MCF2L: variants seen among roughly 807,000 people sequenced by gnomAD.
The protein encoded by MCF2L is MCF.2 cell line derived transforming sequence like.
Under a neutral mutation model 153.4 loss-of-function variants are expected in MCF2L, and 97 were observed. That is an observed-to-expected ratio of 0.63 (90% confidence interval 0.54 to 0.75). MCF2L has a LOEUF of 0.75. MCF2L is among the 30% of genes least tolerant of loss of function. MCF2L has a pLI of 0.00. For missense variants in MCF2L, 1,347 were observed against 1,495.2 expected (o/e 0.90, Z 1.64); for synonymous variants, 659 against 632.2 (o/e 1.04, Z -0.64).
intron 2 of MCF2L, among the ~76,000 whole-genome samples, chr13:112,934,102 C>G (rs919171221): frequency 1.3e-5 from 2 of 152,236 alleles, no homozygotes; most frequent in Non-Finnish European, 2.9e-5. Context: ...AACCCTATTT[C>G]CCACCAGGGG....
intron 2 of MCF2L, among the ~76,000 whole-genome samples, chr13:112,918,915 G>A (rs143744212): frequency 1.4e-4 from 22 of 152,126 alleles, no homozygotes; most frequent in Non-Finnish European, 2.2e-4. Context: ...CCCATCCTCC[G>A]TGTCCCCACC....
chr13:113,056,166 G>A (rs56692273), intron 4 of MCF2L, among the ~76,000 whole-genome samples: 51,160 of 152,224 alleles, frequency 0.34, 9,089 homozygotes, highest in South Asian at 0.42. Context: ...GAGGGCAGCC[G>A]CCCAGTGACC....
chr13:112,996,834 T>C (rs1381595009), intron 1 of MCF2L, among the ~76,000 whole-genome samples: 1 of 152,190 alleles, frequency 6.6e-6, no homozygotes, highest in African/African-American at 2.4e-5. Flanking sequence ...GGGGCTGTGT[T>C]GTGTTGTCTG....
chr13:112,979,643 G>A (rs2082332131), intron 1 of MCF2L: 1 of 1,612,580 alleles, frequency 6.2e-7, no homozygotes, highest in Non-Finnish European at 8.5e-7. Flanking sequence ...CCGCTTTGTA[G>A]CAGCCTTTGT....
rs981264809 is a variant in MCF2L at position 112,951,352 on chromosome 13, G to T, written c.169+48981G>T. Among the ~76,000 whole-genome samples the T allele has an allele frequency of 6.6e-6, 1 of 152,120 alleles. No homozygotes were observed. Among genetic ancestry groups the T allele is most frequent in the East Asian group, 1.9e-4 (1 of 5,192 alleles). The stretch of plus-strand genomic sequence containing the variant: ...TATGACCCAGCAATTGCACTCCTGG[G>T]AATTTATCCCAGAGAAATCAAAATT... On this transcript the variant is annotated intron_variant, in intron 2 of 29. Coordinates refer to the MCF2L transcript ENST00000375608. This position sits in a 1 kb window ranked among gnomAD's most constrained non-coding sequence, Gnocchi z 4.8.
At chr13:112,980,859 C>T (rs1045232100) in intron 1 of MCF2L, among the ~76,000 whole-genome samples, 12 of 152,236 alleles carry the variant, frequency 7.9e-5, no homozygotes, top group Admixed American at 7.2e-4. Context: ...ATCCCGCACA[C>T]GCCAGGGTGT....
In MCF2L at chr13:113,074,884, A is replaced by G; in HGVS notation, c.1117-114A>G. On this transcript the variant is annotated intron_variant, in intron 10 of 29. Coordinates refer to ENST00000535094, the MANE Select transcript of MCF2L (RefSeq NM_001112732.3). This position sits in a 1 kb window ranked among gnomAD's most constrained non-coding sequence, Gnocchi z 4.2. ...CAGCATCTCAGGCATCCGCAGCAGT[A>G]AACAAAGAAATCAAGACACACGTGT... is the stretch of plus-strand genomic sequence containing the variant. 3.0e-6 allele frequency: 3 copies of G among 997,794 alleles called. No individual in the cohort carries two copies. The highest frequency in any genetic ancestry group is 4.5e-6 in the Non-Finnish European group (3 of 673,964). 61.8% of individuals were successfully genotyped at this position (997,794 alleles called of 1,614,324 possible).
Position 113,075,097 on chromosome 13 carries a change from C to T in MCF2L, c.1216C>T (p.Leu406Phe). ...CTCCATCCGCCCAAAGTGCCAGGAG[C>T]TCCGGCACCTCTGTGACCAGTTCTC... is the stretch of plus-strand genomic sequence containing the variant. ...VDSIRPKCQE[L>F]RHLCDQFSAE... Residue 406 changes from leucine (L) to phenylalanine (F), a missense_variant, in exon 11 of 30, where the codon CTC becomes TTC. Transcript: ENST00000535094. 2 of 1,613,724 alleles carry T rather than the reference C, an allele frequency of 1.2e-6. No homozygotes were observed. The highest frequency in any genetic ancestry group is 1.7e-6 in the Non-Finnish European group (2 of 1,180,012).
In MCF2L at chr13:113,081,294, G is replaced by A. The variant is rs2236371; in HGVS notation, c.1875+15G>A. The A allele has an allele frequency of 0.073, 115,067 of 1,572,424 alleles. 5,043 individuals carry two copies. Among genetic ancestry groups the A allele is most frequent in the East Asian group, 0.23 (10,065 of 43,484 alleles). ...GCGTCCTGGAGGTGAGGCTGGACTC[G>A]GGGAGGGCCGACTGCCACGGGGACT... On this transcript the variant is annotated intron_variant, in intron 16 of 29. Coordinates refer to ENST00000535094, the MANE Select transcript of MCF2L (RefSeq NM_001112732.3).
intron 2 of MCF2L, among the ~76,000 whole-genome samples, chr13:112,902,660 G>A (rs184163505): frequency 3.9e-5 from 6 of 152,370 alleles, no homozygotes; most frequent in Non-Finnish European, 8.8e-5. Flanking sequence ...TCCGGTTAGA[G>A]ATCATGAGAA....
intron 1 of MCF2L, among the ~76,000 whole-genome samples, chr13:112,988,386 G>A (rs1016538117): frequency 1.4e-4 from 22 of 152,352 alleles, no homozygotes; most frequent in Admixed American, 1.3e-3. Context: ...GGGGAGCAGG[G>A]CCCGGGCACG....
chr13:112,933,049 A>AATAAATAC (rs1188750507), intron 2 of MCF2L, among the ~76,000 whole-genome samples: 2 of 152,078 alleles, frequency 1.3e-5, no homozygotes, highest in Non-Finnish European at 2.9e-5. Flanking sequence ...TAAATAAATA[A>AATAAATAC]ATAAATAAAC....
upstream of MCF2L, among the ~76,000 whole-genome samples, chr13:112,964,488 C>T (rs1025121621): frequency 2.6e-5 from 4 of 152,196 alleles, no homozygotes; most frequent in African/African-American, 7.2e-5. Flanking sequence ...TACCATAACA[C>T]GGCACATATA....
rs982861017 is a variant in MCF2L, at chr13:112,943,674, C to G, written c.169+41303C>G. Among the ~76,000 whole-genome samples the G allele has an allele frequency of 6.6e-6, 1 of 152,124 alleles. No individual in the cohort carries two copies. The highest frequency in any genetic ancestry group is 1.5e-5 in the Non-Finnish European group (1 of 67,990). On this transcript the variant is annotated intron_variant, in intron 2 of 29. Coordinates refer to the MCF2L transcript ENST00000375608. The surrounding 1 kb of genome is among the most constrained non-coding windows in gnomAD (Gnocchi z 4.2). ...CTTACCCGGGGACAGACGGGGAAGGCGGGAGCGCTCGCAGTTCCCTCCTGG... is the reference window on the plus strand; with the variant it reads ...CTTACCCGGGGACAGACGGGGAAGGGGGGAGCGCTCGCAGTTCCCTCCTGG...
Position 112,973,993 on chromosome 13 carries a change from G to A in MCF2L, c.79+4535G>A, listed in dbSNP as rs9577406. 4.9e-3 allele frequency among the ~76,000 whole-genome samples: 751 copies of A among 152,196 alleles called. 26 individuals carry two copies. The East Asian group carries it at 0.1, about 21-fold the overall frequency. On this transcript the variant is annotated intron_variant, in intron 1 of 29. Coordinates refer to ENST00000535094, the MANE Select transcript of MCF2L (RefSeq NM_001112732.3). ...CTTCCTGATCTCCGTCTTCAAAGCC[G>A]CTCCTGACTCTTCCACTGCCCCCTC... is the stretch of plus-strand genomic sequence containing the variant.
chr13:112,983,720 G>A lies in MCF2L; in HGVS notation c.79+14262G>A, dbSNP rs1844218495. ...AGTGCTCTGACGCACTGTGGCCCCG[G>A]GGAAGCGTGGTGTCTGCAGCCTCCT... On this transcript the variant is annotated intron_variant, in intron 1 of 29. Coordinates refer to ENST00000535094, the MANE Select transcript of MCF2L (RefSeq NM_001112732.3). The surrounding 1 kb of genome is among the most constrained non-coding windows in gnomAD (Gnocchi z 4.0). Among the ~76,000 whole-genome samples, 1 of 152,194 alleles carries A rather than the reference G, an allele frequency of 6.6e-6. No individual in the cohort carries two copies. Among genetic ancestry groups the A allele is most frequent in the Non-Finnish European group, 1.5e-5 (1 of 68,032 alleles).
intron 2 of MCF2L, among the ~76,000 whole-genome samples, chr13:112,935,753 G>A (rs1195659356): frequency 5.3e-5 from 8 of 152,196 alleles, no homozygotes; most frequent in African/African-American, 1.9e-4. Context: ...ATACATTGAG[G>A]AGAATCTGTA....
Position 113,018,536 on chromosome 13 carries a change from A to G in MCF2L, c.163+3690A>G, listed in dbSNP as rs368857778. ...CTGAAGGCTGAGGGTTGGGGGGTGC[A>G]TGGGTGCTCCAAACCCAGAGGCAAT... is the stretch of plus-strand genomic sequence containing the variant. On this transcript the variant is annotated intron_variant, in intron 2 of 29. Transcript: ENST00000535094. Among the ~76,000 whole-genome samples the G allele has an allele frequency of 2.8e-4, 42 of 152,286 alleles. No individual in the cohort carries two copies. In the South Asian group the frequency reaches 3.9e-3, roughly 14 times the overall value.
At chr13:113,065,306 C>G in intron 7 of MCF2L, 1 of 564,606 alleles carries the variant, frequency 1.8e-6, no homozygotes, top group Non-Finnish European at 3.1e-6. Context: ...TAAATGAACC[C>G]TGTAGATTGC....
Sources: allele counts gnomAD v4.1 joint callset (sites outside exome capture counted in the v4.1 genomes callset), GRCh38; gene constraint gnomAD v4.1.1; non-coding constraint Gnocchi (gnomAD v3.1); transcripts MANE v1.5; gene names NCBI Gene and HGNC (gene_info 2026-07-23, HGNC 2026-07-21).